The following SPEG variants were observed in gnomAD, a reference collection of about 807,000 sequenced individuals.
SPEG encodes striated muscle preferentially expressed protein kinase.
In SPEG, 114 loss-of-function variants were observed where a neutral mutation model predicts 300.4. The observed-to-expected ratio is 0.38, with a 90% CI of 0.33 to 0.44. The LOEUF is 0.44. Ranked by LOEUF, SPEG falls within the 20% of genes least tolerant of loss-of-function variation. The pLI, the probability that SPEG is intolerant of heterozygous loss-of-function variation, is 1.00. For missense variants in SPEG, 4,201 were observed against 4,586.2 expected, an observed-to-expected ratio of 0.92 and a Z score of 2.43; for synonymous variants, 1,964 against 2,018.9, an observed-to-expected ratio of 0.97 and a Z score of 0.73.
Position 219,492,178 on chromosome 2 carries a change from C to T in SPEG, c.9529C>T (p.Arg3177Cys), listed in dbSNP as rs756642514. The change falls in exon 40 of 41, where the codon CGC becomes TGC. Residue 3177 changes from arginine (R) to cysteine (C), a missense_variant. Physicochemically the swap from Arg to Cys is radical, Grantham distance 180. Coordinates refer to ENST00000312358, the MANE Select transcript of SPEG (RefSeq NM_005876.5). ...QETEARIVGG[R>C]FDAFQLYPNT... The stretch of plus-strand genomic sequence containing the variant: ...AACGGAGGCTCGGATTGTGGGGGGC[C>T]GCTTTGATGCCTTCCAGCTGTACCC... The T allele has an allele frequency of 1.3e-5, 21 of 1,613,726 alleles. No individual in the cohort carries two copies. The highest frequency in any genetic ancestry group is 4.0e-5 in the African/African-American group (3 of 75,034).
chr2:219,493,450 A>C lies in SPEG; in HGVS notation c.*664A>C, dbSNP rs1434913956. 7 of 423,190 alleles carry C rather than the reference A, an allele frequency of 1.7e-5. No homozygotes were observed. In the East Asian group the frequency reaches 5.0e-4, roughly 30 times the overall value. 26.2% of individuals were successfully genotyped at this position (423,190 alleles called of 1,614,324 possible). The stretch of plus-strand genomic sequence containing the variant: ...CCCTGGGCGCTCTGCTGGCCCAAGG[A>C]TGTCCCCACTGCCCCTCCATGGCCT... On this transcript the variant is annotated 3_prime_UTR_variant, in exon 41 of 41. Coordinates refer to ENST00000312358, the MANE Select transcript of SPEG (RefSeq NM_005876.5).
At position 219,489,740 on chromosome 2, in the gene SPEG, T is replaced by G; in HGVS notation, c.8722T>G (p.Ser2908Ala). Residue 2908 changes from serine (S) to alanine (A), a missense_variant, in exon 36 of 41, where the codon TCT (serine) becomes GCT (alanine). By Grantham distance (99) the Ser-to-Ala change is moderately conservative (BLOSUM62 1). Around this residue, in one of 4 missense-constraint regions of SPEG, gnomAD observed 1,578 missense variants for 1,506.0 expected, o/e 1.05. Coordinates refer to ENST00000312358, the MANE Select transcript of SPEG (RefSeq NM_005876.5). ...TPVYVVTSFV[S>A]APPAPEPPAP... ...TGTGTATGTGGTGACTTCCTTTGTGTCTGCACCACCAGCCCCTGAGCCCCC... is the reference window on the plus strand; with the variant it reads ...TGTGTATGTGGTGACTTCCTTTGTGGCTGCACCACCAGCCCCTGAGCCCCC... The G allele has an allele frequency of 6.2e-7, 1 of 1,613,824 alleles. No homozygotes were observed. The highest frequency in any genetic ancestry group is 8.5e-7 in the Non-Finnish European group (1 of 1,179,914).
At chr2:219,452,249 T>C (rs1689821450) in intron 6 of SPEG, among the ~76,000 whole-genome samples, 1 of 152,120 alleles carries the variant, frequency 6.6e-6, no homozygotes, top group Non-Finnish European at 1.5e-5. Context: ...AAGAGATGCT[T>C]TCGAGTGCCA....
chr2:219,463,995 G>T lies in SPEG; in HGVS notation c.2706-438G>T, dbSNP rs370499528. Among the ~76,000 whole-genome samples, 6 of 151,962 alleles carry T rather than the reference G, an allele frequency of 3.9e-5. No homozygotes were observed. The East Asian group carries it at 1.2e-3, about 30-fold the overall frequency. ...AAATTAGCTGGGCATGGTGGCGTGT[G>T]CCTGTAGTCCCAGCTACTCAGGAGG... On this transcript the variant is annotated intron_variant, in intron 8 of 40. Coordinates refer to ENST00000312358, the MANE Select transcript of SPEG (RefSeq NM_005876.5).
rs1216537329 is a variant in SPEG, at chr2:219,490,804, G to C, written c.9233G>C (p.Gly3078Ala). ...QLLQGLDYLHGHHVLHLDIKP... is the reference protein window; with the variant it reads ...QLLQGLDYLHAHHVLHLDIKP... ...CTACAAGGCCTGGACTACCTCCACG[G>C]CCACCACGTGCTCCACCTAGACATC... Residue 3078 changes from glycine (G) to alanine (A), a missense_variant, in exon 38 of 41, where the codon GGC becomes GCC. Gly to Ala is a moderately conservative substitution (Grantham distance 60). Transcript: ENST00000312358. 9 of 1,614,056 alleles carry C rather than the reference G, an allele frequency of 5.6e-6. No homozygotes were observed. The highest frequency in any genetic ancestry group is 7.6e-6 in the Non-Finnish European group (9 of 1,180,036).
chr2:219,489,017 T>C, intron 34 of SPEG, 37 bp from the exon 35 acceptor site: 1 of 1,610,522 alleles, frequency 6.2e-7, no homozygotes, highest in Non-Finnish European at 8.5e-7. Flanking sequence ...GGGCCACCGC[T>C]TCTGTGACCT....
Position 219,458,420 on chromosome 2 carries a change from G to A in SPEG, c.2441-3462G>A, listed in dbSNP as rs935098921. On this transcript the variant is annotated intron_variant, in intron 6 of 40. Transcript: ENST00000312358. The surrounding 1 kb of genome is among the most constrained non-coding windows in gnomAD (Gnocchi z 4.2). ...TCTTTTTTTTTTTTTCCCAATAAGC[G>A]TTTTGCACTCTTAAGAAATGCAGAT... is the stretch of plus-strand genomic sequence containing the variant. Among the ~76,000 whole-genome samples, 112 of 151,054 alleles carry A rather than the reference G, an allele frequency of 7.4e-4. 5 individuals are homozygous for A. Among genetic ancestry groups the A allele is most frequent in the Non-Finnish European group, 2.1e-4 (14 of 67,842 alleles).
chr2:219,444,189 C>A lies in SPEG; in HGVS notation c.389-464C>A. 1 of 612,434 alleles carries A rather than the reference C, an allele frequency of 1.6e-6. No individual in the cohort carries two copies. The highest frequency in any genetic ancestry group is 1.5e-5 in the South Asian group (1 of 67,042). The allele number at this position is 612,434 out of a possible 1,614,324, so 37.9% of individuals were successfully genotyped here. A position where few individuals can be genotyped will look rare whatever the true frequency, so the allele number is the denominator to read the frequency against. The stretch of plus-strand genomic sequence containing the variant: ...TTTGGGGTAGAGGACAGGCTGGCCC[C>A]GCGGTTGGTCGAGTGCCCTGGCAGT... On this transcript the variant is annotated intron_variant, in intron 1 of 40. Coordinates refer to ENST00000312358, the MANE Select transcript of SPEG (RefSeq NM_005876.5). The surrounding 1 kb of genome is among the most constrained non-coding windows in gnomAD (Gnocchi z 7.8).
In SPEG at chr2:219,479,153, G is replaced by C; in HGVS notation, c.5037G>C (p.Glu1679Asp). 1 of 1,613,624 alleles carries C rather than the reference G, an allele frequency of 6.2e-7. No homozygotes were observed. Among genetic ancestry groups the C allele is most frequent in the Non-Finnish European group, 8.5e-7 (1 of 1,179,974 alleles). ...TTGATCTGGGATGTAGCTGCACAGA[G>C]GAGCTGCTGGAGCGAATCGCCAGGA... The part of the protein sequence containing the change: ...GLVIVTELCT[E>D]ELLERIARKP... Residue 1679 changes from glutamate (E) to aspartate (D), a missense_variant, in exon 23 of 41, where the codon GAG becomes GAC. Glu to Asp is a conservative substitution (Grantham distance 45). This residue lies in a region of SPEG where 1,047 missense variants were observed against 1,356.8 expected (regional missense o/e 0.77). Transcript: ENST00000312358. The surrounding 1 kb of genome is among the most constrained non-coding windows in gnomAD (Gnocchi z 5.5).
Position 219,444,553 on chromosome 2 carries a change from T to C in SPEG, c.389-100T>C, listed in dbSNP as rs191058440. On this transcript the variant is annotated intron_variant, in intron 1 of 40. Transcript: ENST00000312358. The surrounding 1 kb of genome is among the most constrained non-coding windows in gnomAD (Gnocchi z 7.8). ...GAGGTGCTGGCAGCCCTGCCAGTGA[T>C]AAGATGGAGCCTGCTGTTGGCAGGG... 5.1e-6 allele frequency: 5 copies of C among 989,682 alleles called. No homozygotes were observed. The highest frequency in any genetic ancestry group is 7.9e-6 in the Non-Finnish European group (5 of 633,420). The allele number at this position is 989,682 out of a possible 1,614,324, so 61.3% of individuals were successfully genotyped here. A position where few individuals can be genotyped will look rare whatever the true frequency, so the allele number is the denominator to read the frequency against.
chr2:219,470,563 A>G (rs1691783224), intron 13 of SPEG, among the ~76,000 whole-genome samples: 1 of 152,194 alleles, frequency 6.6e-6, no homozygotes. Context: ...TCTTATAAAT[A>G]GTGTCAGCAG....
chr2:219,483,435 C>T lies in SPEG; in HGVS notation c.5972C>T (p.Ala1991Val), dbSNP rs1693055489. ...SQDQEAPSPE[A>V]LPSPGQEPAA... ...GACCAGGAGGCTCCCAGCCCAGAGG[C>T]CCTCCCCTCCCCAGGCCAGGAGCCC... Residue 1991 changes from alanine to valine, a missense_variant, in exon 30 of 41, where the codon GCC becomes GTC. Transcript: ENST00000312358. 2.6e-6 allele frequency: 4 copies of T among 1,549,684 alleles called. No individual in the cohort carries two copies. The highest frequency in any genetic ancestry group is 2.0e-5 in the Admixed American group (1 of 50,444).
Position 219,436,658 on chromosome 2 carries a change from C to T in SPEG, c.388+1293C>T, listed in dbSNP as rs1282981138. ...GGCCTCCCTCCATCGGCATCTCCTC[C>T]CCCCAGCCCTGCTCTGCCCACCTTC... On this transcript the variant is annotated intron_variant, in intron 1 of 40. Coordinates refer to ENST00000312358, the MANE Select transcript of SPEG (RefSeq NM_005876.5). Among the ~76,000 whole-genome samples the T allele has an allele frequency of 2.0e-5, 3 of 152,112 alleles. 1 individual carries two copies. Among genetic ancestry groups the T allele is most frequent in the Non-Finnish European group, 4.4e-5 (3 of 68,014 alleles).
At chr2:219,453,138 A>G (rs1689897838) in intron 6 of SPEG, among the ~76,000 whole-genome samples, 1 of 152,160 alleles carries the variant, frequency 6.6e-6, no homozygotes, top group South Asian at 2.1e-4. Context: ...GCCTGGCTCC[A>G]GGACCCCAGT....
Position 219,484,655 on chromosome 2 carries a change from A to T in SPEG, c.7192A>T (p.Arg2398Trp). The part of the protein sequence containing the change: ...PERSRSVQDL[R>W]AVGEPGLVRR... Reference sequence around the variant, plus strand: ...GCGCTCACGCTCGGTGCAGGACCTCAGGGCTGTCGGAGAGCCTGGCCTCGT... The same window carrying T: ...GCGCTCACGCTCGGTGCAGGACCTCTGGGCTGTCGGAGAGCCTGGCCTCGT... The change falls in exon 30 of 41, where the codon AGG becomes TGG. Residue 2398 changes from arginine (R) to tryptophan (W), a missense_variant. By Grantham distance (101) the Arg-to-Trp change is moderately radical (BLOSUM62 -3). Around this residue, in one of 4 missense-constraint regions of SPEG, gnomAD observed 1,578 missense variants for 1,506.0 expected, o/e 1.05. Transcript: ENST00000312358. 5 of 1,532,412 alleles carry T rather than the reference A, an allele frequency of 3.3e-6. No individual in the cohort carries two copies. The highest frequency in any genetic ancestry group is 4.4e-6 in the Non-Finnish European group (5 of 1,145,284). The allele number at this position is 1,532,412 out of a possible 1,614,324, so 94.9% of individuals were successfully genotyped here.
Position 219,471,724 on chromosome 2 carries a change from C to T in SPEG, c.3716-144C>T, listed in dbSNP as rs570195844. The T allele has an allele frequency of 4.1e-6, 4 of 985,418 alleles. No homozygotes were observed. The East Asian group carries it at 1.0e-4, about 25-fold the overall frequency. 61.0% of individuals were successfully genotyped at this position (985,418 alleles called of 1,614,324 possible). On this transcript the variant is annotated intron_variant, in intron 13 of 40. Transcript: ENST00000312358. Reference sequence around the variant, plus strand: ...GCACCATGGATGCACTTCTTGCTGCCTGCCCCATCCTTGCCCCATCCTTGC... The same window carrying T: ...GCACCATGGATGCACTTCTTGCTGCTTGCCCCATCCTTGCCCCATCCTTGC...
chr2:219,483,713 G>C lies in SPEG; in HGVS notation c.6250G>C (p.Val2084Leu). Residue 2084 changes from valine (V) to leucine (L), a missense_variant, in exon 30 of 41, where the codon GTC becomes CTC. Physicochemically the swap from Val to Leu is conservative, Grantham distance 32. Coordinates refer to ENST00000312358, the MANE Select transcript of SPEG (RefSeq NM_005876.5). ...LLRGGPEDGK[V>L]SGLRGPLLES... is the part of the protein sequence containing the mutation. ...GCGGGGAGGCCCCGAGGATGGCAAG[G>C]TCAGCGGCCTCAGGGGTCCCCTGCT... is the stretch of plus-strand genomic sequence containing the variant. 2 of 1,534,684 alleles carry C rather than the reference G, an allele frequency of 1.3e-6. No homozygotes were observed. The highest frequency in any genetic ancestry group is 1.7e-6 in the Non-Finnish European group (2 of 1,147,000).
chr2:219,476,821 G>C, intron 18 of SPEG, 49 bp from the exon 19 acceptor site: 2 of 1,485,146 alleles, frequency 1.3e-6, no homozygotes, highest in Middle Eastern at 1.7e-4. Flanking sequence ...GCAGGGTAAA[G>C]CCAGCCCCTA....
rs1689154936 is a variant in SPEG, at chr2:219,444,735, C to T, written c.471C>T (p.Thr157=). Residue 157 remains threonine (T), a synonymous_variant, in exon 2 of 41, where the codon ACC becomes ACT. Coordinates refer to ENST00000312358, the MANE Select transcript of SPEG (RefSeq NM_005876.5). This position sits in a 1 kb window ranked among gnomAD's most constrained non-coding sequence, Gnocchi z 7.8. ...LELRDDGAFS[T]PTGGSDTLVG... ...TTCGGGATGACGGGGCCTTCAGCAC[C>T]CCCACGGGTGAGCTCCTGGGGTGTA... The T allele has an allele frequency of 1.2e-6, 2 of 1,613,834 alleles. No homozygotes were observed. Among genetic ancestry groups the T allele is most frequent in the South Asian group, 2.2e-5 (2 of 91,072 alleles).
Sources: allele counts gnomAD v4.1 joint callset (sites outside exome capture counted in the v4.1 genomes callset), GRCh38; gene constraint gnomAD v4.1.1; regional missense constraint gnomAD v4.1.1; non-coding constraint Gnocchi (gnomAD v3.1); transcripts MANE v1.5; gene names NCBI Gene and HGNC (gene_info 2026-07-23, HGNC 2026-07-21).